Variants in DNAH2 observed in about 807,000 individuals in gnomAD.
The protein encoded by DNAH2 is axonemal beta dynein heavy chain 2.
A neutral mutation model predicts 523.5 loss-of-function variants in DNAH2; 323 were observed. The ratio of observed to expected loss-of-function variants is 0.62; its 90% confidence interval spans 0.56 to 0.68. The LOEUF is 0.68. DNAH2 is among the 30% of genes least tolerant of loss of function. The pLI is 0.00. For synonymous variants in DNAH2, 2,093 were observed against 2,177.4 expected, an observed-to-expected ratio of 0.96 and a Z score of 1.08; for missense variants, 4,907 against 5,701.5, an observed-to-expected ratio of 0.86 and a Z score of 4.49.
At chr17:7,803,109 G>A (rs2077268631) in intron 58 of DNAH2, among the ~76,000 whole-genome samples, 2 of 152,270 alleles carry the variant, frequency 1.3e-5, no homozygotes, top group East Asian at 1.9e-4. Flanking sequence ...ACACTGGCTG[G>A]GTGTCCTATG....
rs781605230 is a variant in DNAH2, at chr17:7,832,765, G to A, written c.12903+10G>A. On this transcript the variant is annotated intron_variant, in intron 83 of 85. Coordinates refer to ENST00000572933, the MANE Select transcript of DNAH2 (RefSeq NM_020877.5). This position sits in a 1 kb window ranked among gnomAD's most constrained non-coding sequence, Gnocchi z 4.3. The stretch of plus-strand genomic sequence containing the variant: ...AGCTCGCCAAAACAACGTGAGCAAT[G>A]TGCAAAGTGTGAGGGGGGGATGTAT... 13 of 1,614,008 alleles carry A rather than the reference G, an allele frequency of 8.1e-6. No individual in the cohort carries two copies. The highest frequency in any genetic ancestry group is 2.2e-5 in the South Asian group (2 of 91,086).
At chr17:7,733,436 C>T (rs1024136472) in intron 5 of DNAH2, 121 bp downstream of exon 5, 15 of 813,066 alleles carry the variant, frequency 1.8e-5, no homozygotes, top group Middle Eastern at 3.0e-4. Flanking sequence ...GCATGCTTAT[C>T]GAATTGGTAG....
Position 7,832,451 on chromosome 17 carries a change from G to A in DNAH2, c.12727-128G>A. On this transcript the variant is annotated intron_variant, in intron 82 of 85. Transcript: ENST00000572933. The surrounding 1 kb of genome is among the most constrained non-coding windows in gnomAD (Gnocchi z 4.3). ...CTTAACTTGGGAGGTGGAGGTTGCA[G>A]TGAGCCAAGATCGTACCACTGCACT... The A allele has an allele frequency of 8.7e-7, 1 of 1,151,288 alleles. No homozygotes were observed. The highest frequency in any genetic ancestry group is 2.2e-5 in the Admixed American group (1 of 44,472). 71.3% of individuals were successfully genotyped at this position (1,151,288 alleles called of 1,614,324 possible).
Position 7,798,631 on chromosome 17 carries a change from A to G in DNAH2, c.8472A>G (p.Ile2824Met), listed in dbSNP as rs2077135017. 1 of 1,614,052 alleles carries G rather than the reference A, an allele frequency of 6.2e-7. No individual in the cohort carries two copies. Among genetic ancestry groups the G allele is most frequent in the Admixed American group, 1.7e-5 (1 of 60,010 alleles). ...TTSFIFVDTQ[I>M]ADESFLEDIN... ...CCTTCATTTTTGTGGACACCCAAAT[A>G]GCTGATGAGTCCTTCCTAGAGGACA... Residue 2824 changes from isoleucine (I) to methionine (M), a missense_variant, in exon 55 of 86, where the codon ATA (isoleucine) becomes ATG (methionine). Ile to Met is a conservative substitution (Grantham distance 10, BLOSUM62 1). This residue lies in a region of DNAH2 where 1,851 missense variants were observed against 2,139.4 expected (regional missense o/e 0.87). Transcript: ENST00000572933. The surrounding 1 kb of genome is among the most constrained non-coding windows in gnomAD (Gnocchi z 5.5).
intron 12 of DNAH2, among the ~76,000 whole-genome samples, chr17:7,755,418 G>A (rs771610130): frequency 3.9e-5 from 6 of 152,186 alleles, no homozygotes; most frequent in Admixed American, 6.5e-5. Flanking sequence ...CAGCACTGGC[G>A]TTTTGTCAGG....
At chr17:7,768,957 A>C (rs2076244123) in intron 24 of DNAH2, among the ~76,000 whole-genome samples, 1 of 152,128 alleles carries the variant, frequency 6.6e-6, no homozygotes, top group African/African-American at 2.4e-5. Context: ...CTTGATGGAC[A>C]CTTAGGGTGA....
chr17:7,770,231 C>A (rs2076277770), intron 24 of DNAH2, 21 bp from the exon 25 acceptor site: 3 of 1,578,566 alleles, frequency 1.9e-6, no homozygotes, highest in South Asian at 1.2e-5. Flanking sequence ...TGACCTCACA[C>A]CCTCCTGTTC....
chr17:7,800,736 G>A (rs1198064351), intron 56 of DNAH2, among the ~76,000 whole-genome samples: 2 of 150,408 alleles, frequency 1.3e-5, no homozygotes, highest in Non-Finnish European at 3.0e-5. Flanking sequence ...GCATGGTGGC[G>A]GGCACCTGTA....
chr17:7,787,983 G>C lies in DNAH2; in HGVS notation c.6727G>C (p.Glu2243Gln). 1 of 1,614,188 alleles carries C rather than the reference G, an allele frequency of 6.2e-7. No individual in the cohort carries two copies. The highest frequency in any genetic ancestry group is 8.5e-7 in the Non-Finnish European group (1 of 1,180,002). ...GWKPYVQSWL[E>Q]KRPKAEVEPL... ...GAAGCCCTATGTTCAGTCATGGCTG[G>C]AGAAGAGGCCAAAGGTATGAAGGGA... Residue 2243 changes from glutamate to glutamine, a missense_variant, in exon 43 of 86, where the codon GAG becomes CAG. Physicochemically the swap from Glu to Gln is conservative, Grantham distance 29. Around this residue, in one of 3 missense-constraint regions of DNAH2, gnomAD observed 2,806 missense variants for 3,190.8 expected, o/e 0.88. Transcript: ENST00000572933.
In DNAH2 at chr17:7,771,741, A is replaced by G. The variant is rs528871914; in HGVS notation, c.4501+273A>G. ...TTAAAAAAAATTTTTTTTTTGAGAC[A>G]GAGTTTTGCACATTGCCCAGGCTGG... On this transcript the variant is annotated intron_variant, in intron 28 of 85. Coordinates refer to ENST00000572933, the MANE Select transcript of DNAH2 (RefSeq NM_020877.5). 1.1e-4 allele frequency among the ~76,000 whole-genome samples: 16 copies of G among 152,136 alleles called. No homozygotes were observed. The East Asian group carries it at 2.9e-3, about 28-fold the overall frequency.
At position 7,764,265 on chromosome 17, in the gene DNAH2, G is replaced by C. The variant is rs191721380; in HGVS notation, c.3328G>C (p.Glu1110Gln). The change falls in exon 20 of 86, where the codon GAG (glutamate) becomes CAG (glutamine). Residue 1110 changes from glutamate to glutamine, a missense_variant. Transcript: ENST00000572933. The stretch of plus-strand genomic sequence containing the variant: ...TCTTGAAAAGTACGAGGTGCCAGTC[G>C]AGGACAGTGTGAGTTCCTTTGGTGT... ...AILEKYEVPVEDSVLEMLDSL... is the reference protein window; with the variant it reads ...AILEKYEVPVQDSVLEMLDSL... The C allele has an allele frequency of 1.2e-6, 2 of 1,604,146 alleles. No homozygotes were observed. Among genetic ancestry groups the C allele is most frequent in the Non-Finnish European group, 1.7e-6 (2 of 1,175,010 alleles).
At position 7,798,311 on chromosome 17, in the gene DNAH2, G is replaced by C. The variant is rs777315808; in HGVS notation, c.8385G>C (p.Gln2795His). Residue 2795 changes from glutamine to histidine, a missense_variant, in exon 54 of 86, where the codon CAG (glutamine) becomes CAC (histidine). Physicochemically the swap from Gln to His is conservative, Grantham distance 24 (BLOSUM62 0). Around this residue, in one of 3 missense-constraint regions of DNAH2, gnomAD observed 1,851 missense variants for 2,139.4 expected, o/e 0.87. Coordinates refer to ENST00000572933, the MANE Select transcript of DNAH2 (RefSeq NM_020877.5). This position sits in a 1 kb window ranked among gnomAD's most constrained non-coding sequence, Gnocchi z 5.5. ...AGGTCACCAAACATTATCGGAAGCA[G>C]GAGTTCCGAGATGGTACGGCTGGGT... The part of the protein sequence containing the change: ...QIEVTKHYRK[Q>H]EFRDDIKRLY... 1 of 1,611,146 alleles carries C rather than the reference G, an allele frequency of 6.2e-7. No individual in the cohort carries two copies. The highest frequency in any genetic ancestry group is 8.5e-7 in the Non-Finnish European group (1 of 1,177,752).
In DNAH2 at chr17:7,754,813, C is replaced by G. The variant is rs2075790794; in HGVS notation, c.1905-2278C>G. ...GCTCCAGCTTCAGTTTCAGCTCAGG[C>G]TCCCAAAGCTGCCCAGTGCCCTACA... is the stretch of plus-strand genomic sequence containing the variant. On this transcript the variant is annotated intron_variant, in intron 12 of 85. Transcript: ENST00000572933. The surrounding 1 kb of genome is among the most constrained non-coding windows in gnomAD (Gnocchi z 4.6). 1 of 737,080 alleles carries G rather than the reference C, an allele frequency of 1.4e-6. No individual in the cohort carries two copies. Among genetic ancestry groups the G allele is most frequent in the Non-Finnish European group, 2.4e-6 (1 of 414,046 alleles). The allele number at this position is 737,080 out of a possible 1,614,324, so 45.7% of individuals were successfully genotyped here.
chr17:7,736,939 G>A (rs1293459945), intron 7 of DNAH2, 128 bp from the exon 8 acceptor site: 2 of 809,418 alleles, frequency 2.5e-6, no homozygotes, highest in African/African-American at 1.7e-5. Flanking sequence ...CTGAGATCGC[G>A]CCATTGCACT....
rs576062726 is a variant in DNAH2, at chr17:7,794,319, A to G, written c.7635A>G (p.Leu2545=). 58 of 1,610,170 alleles carry G rather than the reference A, an allele frequency of 3.6e-5. No homozygotes were observed. The highest frequency in any genetic ancestry group is 4.8e-5 in the Non-Finnish European group (57 of 1,178,448). ...GGGRTVISPR[L]RSRFNIINMT... ...GACGGACTGTCATCTCCCCAAGGCT[A>G]CGGAGTCGCTTCAACATTATCAACA... Residue 2545 remains leucine (L), a synonymous_variant, in exon 49 of 86, where the codon CTA becomes CTG. Transcript: ENST00000572933.
chr17:7,831,617 C>A lies in DNAH2; in HGVS notation c.12612-44C>A. On this transcript the variant is annotated intron_variant, in intron 81 of 85. Transcript: ENST00000572933. This position sits in a 1 kb window ranked among gnomAD's most constrained non-coding sequence, Gnocchi z 4.2. ...TTTGCCTTCTGGCTAGAATGACGTT[C>A]CCAGGCCCACCTCATCTCTAACACT... The A allele has an allele frequency of 6.2e-7, 1 of 1,612,934 alleles. No homozygotes were observed. Among genetic ancestry groups the A allele is most frequent in the Non-Finnish European group, 8.5e-7 (1 of 1,179,076 alleles).
Position 7,786,885 on chromosome 17 carries a change from C to T in DNAH2, c.6467-12C>T. On this transcript the variant is annotated splice_polypyrimidine_tract_variant and intron_variant, in intron 41 of 85. Transcript: ENST00000572933. The surrounding 1 kb of genome is among the most constrained non-coding windows in gnomAD (Gnocchi z 7.5). ...GGCTCCCCGGTTTCCTCATCACCCA[C>T]CATCTACTCAGATGAGAAACCCGAC... The T allele has an allele frequency of 6.2e-7, 1 of 1,614,218 alleles. No individual in the cohort carries two copies. Among genetic ancestry groups the T allele is most frequent in the Non-Finnish European group, 8.5e-7 (1 of 1,180,028 alleles).
Position 7,798,482 on chromosome 17 carries a change from CT to C in DNAH2, c.8399-75del. On this transcript the variant is annotated intron_variant, in intron 54 of 85. Transcript: ENST00000572933. This position sits in a 1 kb window ranked among gnomAD's most constrained non-coding sequence, Gnocchi z 5.5. ...GTATGCTGCGGGGCGGGGAGGGTTCCTAAATCTCAGAAAAGGAATCAAGCCC... is the reference window on the plus strand; with the variant it reads ...GTATGCTGCGGGGCGGGGAGGGTTCCAAATCTCAGAAAAGGAATCAAGCCC... The C allele has an allele frequency of 6.3e-7, 1 of 1,585,316 alleles. No homozygotes were observed. The highest frequency in any genetic ancestry group is 8.6e-7 in the Non-Finnish European group (1 of 1,166,732).
intron 63 of DNAH2, among the ~76,000 whole-genome samples, chr17:7,816,112 C>T (rs181020211): frequency 9.9e-5 from 15 of 152,232 alleles, no homozygotes; most frequent in South Asian, 4.2e-4. Context: ...CTCTTTGTCT[C>T]GAATGGACTC....
Sources: allele counts gnomAD v4.1 joint callset (sites outside exome capture counted in the v4.1 genomes callset), GRCh38; gene constraint gnomAD v4.1.1; regional missense constraint gnomAD v4.1.1; non-coding constraint Gnocchi (gnomAD v3.1); transcripts MANE v1.5; gene names NCBI Gene and HGNC (gene_info 2026-07-23, HGNC 2026-07-21).